CADPS2: variants seen among roughly 807,000 people sequenced by gnomAD.
CADPS2 encodes calcium dependent secretion activator 2, also known as calcium-dependent secretion activator 2.
CADPS2 carries 93 observed loss-of-function variants against 172.5 expected under a neutral mutation model. The ratio of observed to expected loss-of-function variants is 0.54; its 90% confidence interval spans 0.46 to 0.64. The LOEUF (loss-of-function observed/expected upper bound fraction) is 0.64. Among genes scored for constraint, CADPS2 ranks in the 30% least tolerant of loss-of-function variants. CADPS2 has a pLI of 0.00. For missense variants in CADPS2, 1,420 were observed against 1,565.9 expected, an observed-to-expected ratio of 0.91 and a Z score of 1.57; for synonymous variants, 546 against 555.2, an observed-to-expected ratio of 0.98 and a Z score of 0.23.
At chr7:122,331,461 A>G (rs1163824588) in intron 28 of CADPS2, among the ~76,000 whole-genome samples, 1 of 152,104 alleles carries the variant, frequency 6.6e-6, no homozygotes, top group Non-Finnish European at 1.5e-5. Context: ...AACATGGTGA[A>G]ACCTCATCTC....
intron 17 of CADPS2, among the ~76,000 whole-genome samples, chr7:122,421,690 G>T (rs2048549185): frequency 6.6e-6 from 1 of 152,106 alleles, no homozygotes. Context: ...GGTAGAATAT[G>T]GCAACCTATA....
At chr7:122,416,008 C>T (rs542948514) in intron 18 of CADPS2, 53 bp downstream of exon 18, 1 of 1,156,604 alleles carries the variant, frequency 8.6e-7, no homozygotes. Context: ...GTAGCCACAA[C>T]CATGGTGAAG....
intron 25 of CADPS2, among the ~76,000 whole-genome samples, chr7:122,368,581 C>T (rs2041291967): frequency 6.6e-6 from 1 of 152,184 alleles, no homozygotes; most frequent in Admixed American, 6.5e-5. Context: ...CCTTTCCCTT[C>T]TTAATCAGAC....
rs1318184902 is a variant in CADPS2, at chr7:122,552,028, T to C, written c.1475+2522A>G. The stretch of plus-strand genomic sequence containing the variant: ...CACACAGGTGTATTATTCAAAATGT[T>C]TAAAACTGTTACCACATGGGTACTG... On this transcript the variant is annotated intron_variant, in intron 8 of 29. Transcript: ENST00000449022. 3.3e-5 allele frequency among the ~76,000 whole-genome samples: 5 copies of C among 152,264 alleles called. No homozygotes were observed. In the East Asian group the frequency reaches 9.6e-4, roughly 29 times the overall value.
At chr7:122,381,412 A>G (rs1192788593) in intron 24 of CADPS2, among the ~76,000 whole-genome samples, 2 of 152,164 alleles carry the variant, frequency 1.3e-5, no homozygotes, top group Non-Finnish European at 2.9e-5. Context: ...AGGCACCCAG[A>G]CTTCCAGGCA....
chr7:122,549,209 C>T (rs1326441336), intron 8 of CADPS2, among the ~76,000 whole-genome samples: 2 of 152,046 alleles, frequency 1.3e-5, no homozygotes, highest in South Asian at 4.1e-4. Flanking sequence ...CCAGCCTGGG[C>T]AACATAGCGA....
chr7:122,833,501 G>A (rs1479673712), intron 1 of CADPS2, among the ~76,000 whole-genome samples: 1 of 151,924 alleles, frequency 6.6e-6, no homozygotes, highest in African/African-American at 2.4e-5. Context: ...TGGATTACAA[G>A]TGCCCCCGTC....
At chr7:122,719,079 G>C (rs1289799072) in intron 2 of CADPS2, among the ~76,000 whole-genome samples, 1 of 152,106 alleles carries the variant, frequency 6.6e-6, no homozygotes, top group Non-Finnish European at 1.5e-5. Context: ...TATAAACACA[G>C]CTCCCTTTGA....
At chr7:122,689,571 T>C (rs990890170) in intron 2 of CADPS2, among the ~76,000 whole-genome samples, 3 of 152,134 alleles carry the variant, frequency 2.0e-5, no homozygotes, top group African/African-American at 7.2e-5. Flanking sequence ...CCTCTAGTCA[T>C]GTAGGTGACC....
intron 7 of CADPS2, among the ~76,000 whole-genome samples, chr7:122,578,299 C>G (rs1472965949): frequency 6.6e-6 from 1 of 151,970 alleles, no homozygotes. Context: ...TGTGTGTGTG[C>G]ACATGTGTGT....
At chr7:122,768,050 G>C (rs2093607329) in intron 1 of CADPS2, among the ~76,000 whole-genome samples, 1 of 152,174 alleles carries the variant, frequency 6.6e-6, no homozygotes, top group Admixed American at 6.5e-5. Flanking sequence ...ACCATCTGCA[G>C]CCAGTTGTCA....
chr7:122,770,206 C>T lies in CADPS2; in HGVS notation c.340-33138G>A, dbSNP rs564174280. On this transcript the variant is annotated intron_variant, in intron 1 of 29. Transcript: ENST00000449022. The stretch of plus-strand genomic sequence containing the variant: ...TACAGTCTGTTTATGCAATGACAGC[C>T]ATACAATGCTCATTTCTTTTCCTTC... Among the ~76,000 whole-genome samples, 7 of 152,212 alleles carry T rather than the reference C, an allele frequency of 4.6e-5. 1 individual carries two copies. In the South Asian group the frequency reaches 1.5e-3, roughly 32 times the overall value.
At chr7:122,489,106 A>G (rs2058078918) in intron 11 of CADPS2, among the ~76,000 whole-genome samples, 1 of 152,208 alleles carries the variant, frequency 6.6e-6, no homozygotes, top group Non-Finnish European at 1.5e-5. Context: ...CACTACATAT[A>G]AAAGATATGC....
chr7:122,812,421 A>AG (rs1491101387), intron 1 of CADPS2, among the ~76,000 whole-genome samples: 166 of 145,588 alleles, frequency 1.1e-3, no homozygotes, highest in Middle Eastern at 3.6e-3. Flanking sequence ...AAAAAAAAAA[A>AG]AGAGAGAGAG....
In CADPS2 at chr7:122,849,951, T is replaced by C. The variant is rs878973128; in HGVS notation, c.339+36048A>G. On this transcript the variant is annotated intron_variant, in intron 1 of 29. Coordinates refer to ENST00000449022, the MANE Select transcript of CADPS2 (RefSeq NM_017954.11). ...CAGGCCCCAGCTCCTGGCCCAGTAC[T>C]AGCCCCAGGCTTTCCTCAAGCTATG... 54 of 553,200 alleles carry C rather than the reference T, an allele frequency of 9.8e-5. No homozygotes were observed. The South Asian group carries it at 1.0e-3, about 11-fold the overall frequency. The allele number at this position is 553,200 out of a possible 1,614,324, so 34.3% of individuals were successfully genotyped here.
chr7:122,873,676 G>A (rs1820439865), intron 1 of CADPS2, among the ~76,000 whole-genome samples: 1 of 152,076 alleles, frequency 6.6e-6, no homozygotes. Context: ...AATCCTTTGG[G>A]TATATACCCA....
intron 1 of CADPS2, among the ~76,000 whole-genome samples, chr7:122,813,880 T>C (rs558899664): frequency 2.0e-5 from 3 of 152,004 alleles, no homozygotes; most frequent in Non-Finnish European, 4.4e-5. Flanking sequence ...AACAAATAAA[T>C]AAGTCCCATA....
At chr7:122,497,024 G>T (rs575920293) in intron 9 of CADPS2, among the ~76,000 whole-genome samples, 4 of 151,434 alleles carry the variant, frequency 2.6e-5, no homozygotes. Flanking sequence ...CTTCTTTCTC[G>T]GACTGTTCTG....
At chr7:122,569,469 T>C (rs1433777792) in intron 7 of CADPS2, among the ~76,000 whole-genome samples, 26 of 151,220 alleles carry the variant, frequency 1.7e-4, no homozygotes, top group Non-Finnish European at 3.4e-4. Flanking sequence ...AGGTAATTTA[T>C]AGATTCAATG....
Sources: allele counts gnomAD v4.1 joint callset (sites outside exome capture counted in the v4.1 genomes callset), GRCh38; gene constraint gnomAD v4.1.1; transcripts MANE v1.5; gene names NCBI Gene and HGNC (gene_info 2026-07-23, HGNC 2026-07-21).